Variants in SCN10A observed in about 807,000 individuals in gnomAD.
The protein encoded by SCN10A is sodium channel protein type 10 subunit alpha.
In SCN10A, 162 loss-of-function variants were observed where a neutral mutation model predicts 170.7. The observed-to-expected ratio is 0.95, with a 90% confidence interval of 0.84 to 1.08. The LOEUF (loss-of-function observed/expected upper bound fraction) is 1.08. Ranked by LOEUF, SCN10A falls within the 50% of genes least tolerant of loss-of-function variation. SCN10A has a pLI of 0.00. For missense variants in SCN10A, 2,527 were observed against 2,436.9 expected (o/e 1.04, Z -0.78); for synonymous variants, 985 against 904.6 (o/e 1.09, Z -1.59).
intron 4 of SCN10A, among the ~76,000 whole-genome samples, chr3:38,779,815 T>C (rs2064117508): frequency 6.6e-6 from 1 of 151,962 alleles, no homozygotes; most frequent in African/African-American, 2.4e-5. Flanking sequence ...TGGAAAGTCC[T>C]CTCATTTCAT....
chr3:38,709,465 G>A lies in SCN10A; in HGVS notation c.4281+13C>T. ...ACTACAGCAGAAACCAGAAACTCCT[G>A]AGCACCACTTATCTTTTTTTTCTGT... On this transcript the variant is annotated intron_variant, in intron 25 of 27. Coordinates refer to ENST00000449082, the MANE Select transcript of SCN10A (RefSeq NM_006514.4). The A allele has an allele frequency of 4.4e-6, 7 of 1,602,064 alleles. No homozygotes were observed. The highest frequency in any genetic ancestry group is 6.0e-6 in the Non-Finnish European group (7 of 1,174,700).
chr3:38,795,329 T>TTTTTTC (rs1466769431), intron 1 of SCN10A, among the ~76,000 whole-genome samples: 1 of 143,858 alleles, frequency 7.0e-6, no homozygotes, highest in Non-Finnish European at 1.5e-5. Flanking sequence ...TCTTTTTTGT[T>TTTTTTC]TTTTTCTTTT....
intron 5 of SCN10A, among the ~76,000 whole-genome samples, 160 bp downstream of exon 5, chr3:38,771,119 G>T (rs1291735434): frequency 6.6e-6 from 1 of 152,122 alleles, no homozygotes; most frequent in Non-Finnish European, 1.5e-5. Flanking sequence ...AATTCTTTCA[G>T]TTCTCCTGGT....
intron 26 of SCN10A, among the ~76,000 whole-genome samples, chr3:38,702,533 T>C (rs2063167567): frequency 6.6e-6 from 1 of 152,244 alleles, no homozygotes; most frequent in Non-Finnish European, 1.5e-5. Flanking sequence ...TTCTAGCATT[T>C]TGTATATGCG....
chr3:38,791,275 A>T (rs1226057820), intron 3 of SCN10A, among the ~76,000 whole-genome samples: 1 of 152,148 alleles, frequency 6.6e-6, no homozygotes. Context: ...TTCCATTAGG[A>T]TCACCCAGGA....
intron 14 of SCN10A, among the ~76,000 whole-genome samples, chr3:38,740,775 A>G (rs1036774783): frequency 6.6e-6 from 1 of 152,190 alleles, no homozygotes; most frequent in African/African-American, 2.4e-5. Flanking sequence ...CACCAAGCAC[A>G]TGACTTTCTT....
At chr3:38,754,623 G>A (rs1342275738) in intron 11 of SCN10A, among the ~76,000 whole-genome samples, 9 of 152,196 alleles carry the variant, frequency 5.9e-5, no homozygotes, top group Non-Finnish European at 1.2e-4. Flanking sequence ...TCTGAACTGT[G>A]CCCCATGTAT....
At chr3:38,707,998 T>G (rs2063229004) in intron 25 of SCN10A, among the ~76,000 whole-genome samples, 1 of 152,064 alleles carries the variant, frequency 6.6e-6, no homozygotes, top group Non-Finnish European at 1.5e-5. Context: ...TGGGTATTAG[T>G]TTTTCTTTAG....
intron 15 of SCN10A, among the ~76,000 whole-genome samples, chr3:38,729,157 T>C (rs1575967157): frequency 6.6e-6 from 1 of 152,090 alleles, no homozygotes; most frequent in East Asian, 1.9e-4. Flanking sequence ...TCTACTGGGG[T>C]GGTGGCCTTG....
At chr3:38,745,896 C>T (rs2063680558) in intron 13 of SCN10A, among the ~76,000 whole-genome samples, 1 of 151,542 alleles carries the variant, frequency 6.6e-6, no homozygotes, top group Non-Finnish European at 1.5e-5. Context: ...ATCTCTTCTG[C>T]TTAACTATTA....
Position 38,760,209 on chromosome 3 carries a change from T to A in SCN10A, c.950+472A>T, listed in dbSNP as rs148255093. On this transcript the variant is annotated intron_variant, in intron 8 of 27. Transcript: ENST00000449082. ...AGAATGTACAAAAGGTACATTGTGTTGGTTCTAAGCCTAGGCCTGAAGAAG... is the reference window on the plus strand; with the variant it reads ...AGAATGTACAAAAGGTACATTGTGTAGGTTCTAAGCCTAGGCCTGAAGAAG... Among the ~76,000 whole-genome samples the A allele has an allele frequency of 3.2e-4, 49 of 152,354 alleles. 1 individual carries two copies. Among genetic ancestry groups the A allele is most frequent in the African/African-American group, 1.1e-3 (47 of 41,584 alleles).
At chr3:38,751,577 A>G (rs142093923) in intron 12 of SCN10A, among the ~76,000 whole-genome samples, 88 of 152,324 alleles carry the variant, frequency 5.8e-4, no homozygotes, top group African/African-American at 2.1e-3. Context: ...AATGAAAAAC[A>G]CTAGAAACAT....
Position 38,739,600 on chromosome 3 carries a change from A to T in SCN10A, c.2195T>A (p.Phe732Tyr), listed in dbSNP as rs373216811. ...ACTCACAGTGACGATGATGCAGTCA[A>T]AGATATTCCACTTCTTCTGGAAATA... is the stretch of plus-strand genomic sequence containing the variant. The part of the protein sequence containing the change: ...YYYFQKKWNI[F>Y]DCIIVTVSLL... The change falls in exon 15 of 28, where the codon TTT becomes TAT. Residue 732 changes from phenylalanine to tyrosine, a missense_variant. Phe to Tyr is a conservative substitution (Grantham distance 22). Transcript: ENST00000449082. The T allele has an allele frequency of 2.5e-6, 4 of 1,614,180 alleles. No homozygotes were observed. In the South Asian group the frequency reaches 4.4e-5, roughly 18 times the overall value.
chr3:38,768,898 G>A (rs1377278704), intron 5 of SCN10A, among the ~76,000 whole-genome samples: 1 of 151,988 alleles, frequency 6.6e-6, no homozygotes, highest in Admixed American at 6.5e-5. Context: ...TTATTCTTAG[G>A]TTTGGTTGTT....
chr3:38,770,850 T>C (rs1392606243), intron 5 of SCN10A, among the ~76,000 whole-genome samples: 3 of 152,226 alleles, frequency 2.0e-5, no homozygotes, highest in Non-Finnish European at 4.4e-5. Flanking sequence ...ATGGATTCCC[T>C]GGTCTCAAGC....
At chr3:38,788,216 C>CAAAA (rs561959910) in intron 4 of SCN10A, among the ~76,000 whole-genome samples, 1,294 of 96,776 alleles carry the variant, frequency 0.013, no homozygotes, top group East Asian at 0.027. Context: ...TTATGATTAG[C>CAAAA]AAAAAAAAAA....
chr3:38,756,993 T>C (rs1376023258), intron 9 of SCN10A, 25 bp downstream of exon 9: 1 of 1,602,830 alleles, frequency 6.2e-7, no homozygotes, highest in African/African-American at 1.3e-5. Context: ...CAACCAAGTC[T>C]GCGTGGGGGA....
intron 1 of SCN10A, among the ~76,000 whole-genome samples, chr3:38,795,580 C>T (rs576441486): frequency 4.6e-5 from 7 of 151,872 alleles, no homozygotes; most frequent in Non-Finnish European, 8.8e-5. Context: ...TCTTGATGGT[C>T]CTATTGGCTG....
At position 38,697,741 on chromosome 3, in the gene SCN10A, C is replaced by A; in HGVS notation, c.5479G>T (p.Glu1827Ter). 6.2e-7 allele frequency: 1 copy of A among 1,613,966 alleles called. No homozygotes were observed. The highest frequency in any genetic ancestry group is 8.5e-7 in the Non-Finnish European group (1 of 1,179,878). The change falls in exon 28 of 28, where the codon GAG becomes TAG. Residue 1827 changes from glutamate (E) to a stop codon, truncating the protein, a stop_gained. Transcript: ENST00000449082. LOFTEE classifies it low-confidence loss of function (END_TRUNC). The part of the protein sequence containing the change: ...ELDSLKANME[E>*]KFMATNLSKS... The stretch of plus-strand genomic sequence containing the variant: ...GAAAGATTAGTTGCCATAAACTTCT[C>A]CTCCATATTTGCCTTCAGAGAATCC...
Sources: allele counts gnomAD v4.1 joint callset (sites outside exome capture counted in the v4.1 genomes callset), GRCh38; gene constraint gnomAD v4.1.1; transcripts MANE v1.5; gene names NCBI Gene and HGNC (gene_info 2026-07-23, HGNC 2026-07-21).